The following FGD5 variants were observed in gnomAD, a reference collection of about 807,000 sequenced individuals.
The protein encoded by FGD5 is FYVE, RhoGEF and PH domain-containing protein 5.
In FGD5, 28 loss-of-function variants were observed where a neutral mutation model predicts 133.4. The ratio of observed to expected loss-of-function variants is 0.21; its 90% CI spans 0.16 to 0.29. The LOEUF (loss-of-function observed/expected upper bound fraction) is 0.29. Ranked by LOEUF, FGD5 falls within the 10% of genes least tolerant of loss-of-function variation. FGD5 has a pLI of 1.00. For missense variants in FGD5, 1,858 were observed against 1,895.2 expected (o/e 0.98, Z 0.36); for synonymous variants, 810 against 776.5 (o/e 1.04, Z -0.72).
chr3:14,891,716 T>A (rs1301735213), intron 4 of FGD5, among the ~76,000 whole-genome samples: 2 of 152,132 alleles, frequency 1.3e-5, no homozygotes, highest in African/African-American at 2.4e-5. Flanking sequence ...CAGGATGAGT[T>A]GTTCAGGAAG....
intron 1 of FGD5, among the ~76,000 whole-genome samples, chr3:14,833,259 A>G (rs1452865148): frequency 6.6e-6 from 1 of 152,104 alleles, no homozygotes; most frequent in African/African-American, 2.4e-5. Flanking sequence ...GGATGATGTG[A>G]CTGGTCTCTA....
chr3:14,820,611 G>T lies in FGD5; in HGVS notation c.1540G>T (p.Gly514Cys), dbSNP rs2036472701. ...EAGSSAPGIG[G>C]AAEEVGKTLL... Reference sequence around the variant, plus strand: ...GGGCTCGTCAGCCCCTGGCATTGGAGGTGCCGCAGAGGAGGTGGGAAAGAC... The same window carrying T: ...GGGCTCGTCAGCCCCTGGCATTGGATGTGCCGCAGAGGAGGTGGGAAAGAC... Residue 514 changes from glycine (G) to cysteine (C), a missense_variant, in exon 1 of 20, where the codon GGT becomes TGT. By Grantham distance (159) the Gly-to-Cys change is radical (BLOSUM62 -3). Around this residue, in one of 3 missense-constraint regions of FGD5, gnomAD observed 1,824 missense variants for 1,848.9 expected, o/e 0.99. Transcript: ENST00000285046. 6.2e-7 allele frequency: 1 copy of T among 1,607,178 alleles called. No homozygotes were observed.
chr3:14,812,343 G>A (rs1281168198), intron 1 of FGD5, among the ~76,000 whole-genome samples: 1 of 152,198 alleles, frequency 6.6e-6, no homozygotes, highest in Non-Finnish European at 1.5e-5. Context: ...TGGCGTGGCT[G>A]AACAGAGCCA....
intron 1 of FGD5, among the ~76,000 whole-genome samples, chr3:14,853,825 T>C (rs546056690): frequency 1.4e-5 from 2 of 140,108 alleles, no homozygotes; most frequent in Non-Finnish European, 3.1e-5. Context: ...AACTCTAGGC[T>C]GCCGAAAAGG....
chr3:14,864,281 GCC>G (rs781317057), intron 2 of FGD5, 21 bp downstream of exon 2: 1 of 1,613,628 alleles, frequency 6.2e-7, no homozygotes, highest in Non-Finnish European at 8.5e-7. Context: ...CCACAGGTAG[GCC>G]GTGGGCATCG....
At chr3:14,838,746 A>G (rs1166800072) in intron 1 of FGD5, among the ~76,000 whole-genome samples, 3 of 152,234 alleles carry the variant, frequency 2.0e-5, no homozygotes, top group Non-Finnish European at 4.4e-5. Flanking sequence ...TGCTCTTGAA[A>G]TATAATGGGA....
At chr3:14,911,604 G>A (rs1204340252) in intron 11 of FGD5, among the ~76,000 whole-genome samples, 1 of 151,948 alleles carries the variant, frequency 6.6e-6, no homozygotes, top group Non-Finnish European at 1.5e-5. Flanking sequence ...GAGACAGGCT[G>A]TGGTAAGAGT....
chr3:14,923,048 C>A lies in FGD5; in HGVS notation c.3810C>A (p.Ile1270=). The change falls in exon 16 of 20, where the codon ATC becomes ATA. Residue 1270 remains isoleucine (I), a splice_region_variant and synonymous_variant. Transcript: ENST00000285046. The part of the protein sequence containing the change: ...RRHHCHACGK[I]VCRNCSRNKY... ...AATCTTCCCACCTGGGCCTGCAGAT[C>A]GTGTGCCGGAACTGTTCGCGGAACA... The A allele has an allele frequency of 1.9e-6, 3 of 1,613,760 alleles. No homozygotes were observed. Among genetic ancestry groups the A allele is most frequent in the South Asian group, 1.1e-5 (1 of 91,056 alleles).
rs759938385 is a variant in FGD5 at position 14,820,148 on chromosome 3, C to T, written c.1077C>T (p.Ser359=). 24 of 1,613,898 alleles carry T rather than the reference C, an allele frequency of 1.5e-5. No individual in the cohort carries two copies. Among genetic ancestry groups the T allele is most frequent in the Non-Finnish European group, 1.8e-5 (21 of 1,179,888 alleles). The change falls in exon 1 of 20, where the codon AGC becomes AGT. Residue 359 remains serine, a synonymous_variant. Coordinates refer to ENST00000285046, the MANE Select transcript of FGD5 (RefSeq NM_152536.4). ...CAACTGAGAGCACCTCTTTTTGCAG[C>T]GAGAGCTGTTCTCCTCTTTCTGAAT... ...FFPTESTSFC[S]ESCSPLSESA...
At chr3:14,911,769 C>T (rs75836536) in intron 11 of FGD5, among the ~76,000 whole-genome samples, 199 of 146,010 alleles carry the variant, frequency 1.4e-3, no homozygotes, top group African/African-American at 4.8e-3. Flanking sequence ...GTTATGAGCG[C>T]GATATGGAGG....
Position 14,821,149 on chromosome 3 carries a change from T to C in FGD5, c.2078T>C (p.Leu693Pro), listed in dbSNP as rs1386235352. 1 of 1,613,998 alleles carries C rather than the reference T, an allele frequency of 6.2e-7. No homozygotes were observed. Among genetic ancestry groups the C allele is most frequent in the East Asian group, 2.2e-5 (1 of 44,868 alleles). The change falls in exon 1 of 20, where the codon CTG becomes CCG. Residue 693 changes from leucine to proline, a missense_variant. Transcript: ENST00000285046. ...ESSYHGPSRI[L>P]EVDRRSLSNS... is the part of the protein sequence containing the mutation. The stretch of plus-strand genomic sequence containing the variant: ...AGCTACCACGGGCCTTCCAGGATTC[T>C]GGAAGTTGACCGGAGAAGCCTCAGC...
At chr3:14,908,330 C>G (rs1462347478) in intron 10 of FGD5, among the ~76,000 whole-genome samples, 1 of 152,086 alleles carries the variant, frequency 6.6e-6, no homozygotes, top group African/African-American at 2.4e-5. Flanking sequence ...CTATTTGTAT[C>G]TCCAGAATTA....
chr3:14,908,554 T>A (rs1029555233), intron 10 of FGD5, among the ~76,000 whole-genome samples: 4 of 152,088 alleles, frequency 2.6e-5, no homozygotes, highest in Non-Finnish European at 5.9e-5. Flanking sequence ...GAAAAAATAA[T>A]TTAGAAAAAT....
rs1432089802 is a variant in FGD5, at chr3:14,819,522, G to A, written c.451G>A (p.Ala151Thr). 8 of 1,551,354 alleles carry A rather than the reference G, an allele frequency of 5.2e-6. No individual in the cohort carries two copies. The highest frequency in any genetic ancestry group is 1.7e-4 in the Middle Eastern group (1 of 6,012). Reference protein sequence around the residue: ...LALEDEGEGCADEPGTLEQVS... With the variant: ...LALEDEGEGCTDEPGTLEQVS... The stretch of plus-strand genomic sequence containing the variant: ...TCTTGAGGATGAAGGGGAGGGCTGC[G>A]CTGATGAGCCAGGGACACTGGAGCA... Residue 151 changes from alanine (A) to threonine (T), a missense_variant, in exon 1 of 20, where the codon GCT becomes ACT. Physicochemically the swap from Ala to Thr is moderately conservative, Grantham distance 58. Around this residue, in one of 3 missense-constraint regions of FGD5, gnomAD observed 1,824 missense variants for 1,848.9 expected, o/e 0.99. Coordinates refer to ENST00000285046, the MANE Select transcript of FGD5 (RefSeq NM_152536.4). The surrounding 1 kb of genome is among the most constrained non-coding windows in gnomAD (Gnocchi z 4.1).
intron 1 of FGD5, among the ~76,000 whole-genome samples, chr3:14,830,892 T>C (rs1217527607): frequency 3.9e-5 from 6 of 152,212 alleles, no homozygotes. Context: ...ACAGACTCCT[T>C]GTGCTGGGGA....
At chr3:14,852,984 T>C (rs1195076647) in intron 1 of FGD5, among the ~76,000 whole-genome samples, 1 of 152,146 alleles carries the variant, frequency 6.6e-6, no homozygotes, top group Non-Finnish European at 1.5e-5. Context: ...AGCCTCCACC[T>C]CAGTTTTATA....
Position 14,917,112 on chromosome 3 carries a change from C to A in FGD5, c.3406-137C>A. 1 of 649,964 alleles carries A rather than the reference C, an allele frequency of 1.5e-6. No homozygotes were observed. Among genetic ancestry groups the A allele is most frequent in the South Asian group, 2.5e-5 (1 of 40,602 alleles). The allele number at this position is 649,964 out of a possible 1,614,324, so 40.3% of individuals were successfully genotyped here. A position where few individuals can be genotyped will look rare whatever the true frequency, so the allele number is the denominator to read the frequency against. On this transcript the variant is annotated intron_variant, in intron 11 of 19. Transcript: ENST00000285046. This position sits in a 1 kb window ranked among gnomAD's most constrained non-coding sequence, Gnocchi z 4.1. ...GAAGGGGCTCACATTTTGGCCGCAA[C>A]GTTTTTGCTCACCTGTGGGGGTTAC...
At chr3:14,824,387 C>A (rs1048595115) in intron 1 of FGD5, among the ~76,000 whole-genome samples, 2 of 152,096 alleles carry the variant, frequency 1.3e-5, no homozygotes, top group Non-Finnish European at 2.9e-5. Context: ...CCTAGGGGTG[C>A]TTGGGGTTGG....
In FGD5 at chr3:14,920,633, G is replaced by C. The variant is rs552364688; in HGVS notation, c.3570-1285G>C. 2.0e-5 allele frequency: 3 copies of C among 152,382 alleles called. No individual in the cohort carries two copies. In the South Asian group the frequency reaches 6.2e-4, roughly 32 times the overall value. 9.4% of individuals were successfully genotyped at this position (152,382 alleles called of 1,614,324 possible). ...CTTCAGATGCAGGGCAGTAACTGCT[G>C]TAACAATTAATAGTGGTAATGACAG... On this transcript the variant is annotated intron_variant, in intron 13 of 19. Coordinates refer to ENST00000285046, the MANE Select transcript of FGD5 (RefSeq NM_152536.4).
Sources: gnomAD v4.1 joint callset for allele counts (sites outside exome capture counted in the v4.1 genomes callset) on GRCh38, gnomAD v4.1.1 for gene constraint, gnomAD v4.1.1 regional missense constraint, Gnocchi (gnomAD v3.1) non-coding constraint, MANE v1.5 for transcripts, NCBI Gene and HGNC (gene_info 2026-07-23, HGNC 2026-07-21) for gene names.